Variants in CHN2 observed in about 807,000 individuals in gnomAD.
CHN2 encodes beta-chimaerin.
In CHN2, 35 loss-of-function variants were observed where a neutral mutation model predicts 56.3. That is an observed-to-expected ratio of 0.62 (90% CI 0.47 to 0.82). The LOEUF (loss-of-function observed/expected upper bound fraction) is 0.82. CHN2 is among the 40% of genes least tolerant of loss of function. The pLI, the probability that CHN2 is intolerant of heterozygous loss-of-function variation, is 0.00. For missense variants in CHN2, 491 were observed against 580.5 expected (o/e 0.85, Z 1.58); for synonymous variants, 210 against 212.8 (o/e 0.99, Z 0.12).
intron 1 of CHN2, among the ~76,000 whole-genome samples, chr7:29,218,195 C>A (rs562877350): frequency 6.8e-6 from 1 of 146,482 alleles, no homozygotes; most frequent in South Asian, 2.1e-4. Context: ...TCTCCCACCC[C>A]CTTCCACCCC....
intron 2 of CHN2, among the ~76,000 whole-genome samples, chr7:29,176,203 T>A (rs906125200): frequency 6.8e-6 from 1 of 147,250 alleles, no homozygotes. Context: ...AAAAAACAGA[T>A]AAAAGAAAAA....
chr7:29,229,864 C>T (rs1249398654), intron 1 of CHN2, among the ~76,000 whole-genome samples: 2 of 152,128 alleles, frequency 1.3e-5, no homozygotes, highest in Non-Finnish European at 2.9e-5. Flanking sequence ...GTAGTATCAG[C>T]TACTTGGGAA....
intron 2 of CHN2, among the ~76,000 whole-genome samples, chr7:29,158,303 C>T (rs987562475): frequency 3.9e-5 from 6 of 152,168 alleles, no homozygotes; most frequent in Non-Finnish European, 7.3e-5. Context: ...ACCTCAGTTT[C>T]CACCATCCTA....
At chr7:29,391,192 T>C (rs946726267) in intron 3 of CHN2, among the ~76,000 whole-genome samples, 1 of 152,108 alleles carries the variant, frequency 6.6e-6, no homozygotes, top group African/African-American at 2.4e-5. Flanking sequence ...AGTTATCAGA[T>C]GGCCAACCAC....
intron 1 of CHN2, among the ~76,000 whole-genome samples, chr7:29,343,980 C>T (rs545376988): frequency 5.3e-5 from 8 of 152,216 alleles, no homozygotes; most frequent in Non-Finnish European, 1.0e-4. Context: ...CTGGTCTGCC[C>T]CTTTCTGTGA....
chr7:29,314,614 A>G (rs10256491), intron 1 of CHN2, among the ~76,000 whole-genome samples: 1 of 152,172 alleles, frequency 6.6e-6, no homozygotes, highest in African/African-American at 2.4e-5. Context: ...ATCACCACCA[A>G]CAAAAATATT....
chr7:29,501,799 C>T (rs894301365), intron 9 of CHN2, among the ~76,000 whole-genome samples: 1 of 152,154 alleles, frequency 6.6e-6, no homozygotes, highest in Non-Finnish European at 1.5e-5. Context: ...CATAAAAAAT[C>T]CTTATTGTTC....
chr7:29,170,973 G>A (rs1796526249), intron 2 of CHN2, among the ~76,000 whole-genome samples: 2 of 151,976 alleles, frequency 1.3e-5, no homozygotes, highest in Non-Finnish European at 2.9e-5. Flanking sequence ...TACCTCCCAC[G>A]GGGTCCCTCC....
At chr7:29,468,410 A>AG (rs1785750715) in intron 6 of CHN2, among the ~76,000 whole-genome samples, 3 of 152,080 alleles carry the variant, frequency 2.0e-5, no homozygotes, top group African/African-American at 7.2e-5. Context: ...ACACCAAGGG[A>AG]GGGAGTGCAC....
At chr7:29,510,567 C>A (rs1479395208) in intron 12 of CHN2, among the ~76,000 whole-genome samples, 1 of 152,148 alleles carries the variant, frequency 6.6e-6, no homozygotes, top group East Asian at 1.9e-4. Context: ...CCCTCACCAG[C>A]AGTTTGCTGG....
At chr7:29,396,130 TAAAA>T (rs1330934693) in intron 4 of CHN2, among the ~76,000 whole-genome samples, 4 of 151,684 alleles carry the variant, frequency 2.6e-5, no homozygotes, top group Admixed American at 2.6e-4. Context: ...AATCAAGAAT[TAAAA>T]AAGAAACATA....
chr7:29,343,537 A>G (rs1324325989), intron 1 of CHN2, among the ~76,000 whole-genome samples: 3 of 152,012 alleles, frequency 2.0e-5, no homozygotes, highest in Non-Finnish European at 4.4e-5. Flanking sequence ...GGTCATGAGA[A>G]ACCCCCATGT....
chr7:29,268,322 A>ACACACACACACACACACACAC, intron 1 of CHN2, among the ~76,000 whole-genome samples: 6 of 151,006 alleles, frequency 4.0e-5, no homozygotes, highest in East Asian at 1.9e-4. Context: ...ACACACACAC[A>ACACACACACACACACACACAC]ATGTCCTTCA....
At chr7:29,221,598 T>C (rs573893449) in intron 1 of CHN2, among the ~76,000 whole-genome samples, 2 of 152,308 alleles carry the variant, frequency 1.3e-5, no homozygotes, top group African/African-American at 4.8e-5. Flanking sequence ...CATTAGCTGT[T>C]CTTCCTGATG....
chr7:29,351,549 C>T (rs914788220), intron 1 of CHN2, among the ~76,000 whole-genome samples: 1 of 152,194 alleles, frequency 6.6e-6, no homozygotes, highest in African/African-American at 2.4e-5. Flanking sequence ...GGCCACTTTA[C>T]AGGAACCTGG....
chr7:29,452,496 C>G (rs563869126), intron 6 of CHN2, among the ~76,000 whole-genome samples: 3 of 152,230 alleles, frequency 2.0e-5, no homozygotes, highest in African/African-American at 7.2e-5. Context: ...CCTGCAGACA[C>G]CTGCAGTACA....
At chr7:29,201,798 C>T (rs971711141) in intron 1 of CHN2, among the ~76,000 whole-genome samples, 4 of 152,200 alleles carry the variant, frequency 2.6e-5, no homozygotes, top group Non-Finnish European at 5.9e-5. Flanking sequence ...GTAAAATCAA[C>T]AAGCTAAAAA....
At chr7:29,174,276 G>A (rs1240781890) in intron 2 of CHN2, among the ~76,000 whole-genome samples, 1 of 152,216 alleles carries the variant, frequency 6.6e-6, no homozygotes, top group African/African-American at 2.4e-5. Flanking sequence ...CCTCTGGAGG[G>A]GGGCCAGCAA....
At position 29,163,566 on chromosome 7, in the gene CHN2, A is replaced by C. The variant is rs148401623; in HGVS notation, c.274+16606A>C. Among the ~76,000 whole-genome samples the C allele has an allele frequency of 5.1e-4, 78 of 152,264 alleles. 2 individuals are homozygous for C. The East Asian group carries it at 0.015, about 29-fold the overall frequency. ...ATCCATTTTTTTTTACAATCTTATT[A>C]AGGTATAACTGGCATACAATAAGCT... On this transcript the variant is annotated intron_variant, in intron 2 of 6. Transcript: ENST00000439384.
Sources: allele counts gnomAD v4.1 joint callset (sites outside exome capture counted in the v4.1 genomes callset), GRCh38; gene constraint gnomAD v4.1.1; transcripts MANE v1.5; gene names NCBI Gene and HGNC (gene_info 2026-07-23, HGNC 2026-07-21).